The following CHGB variants were observed in gnomAD, a reference collection of about 807,000 sequenced individuals.
CHGB encodes the protein chromogranin B.
Under a neutral mutation model 69.9 loss-of-function variants are expected in CHGB, and 46 were observed. That is an observed-to-expected ratio of 0.66 (90% CI 0.52 to 0.84). The LOEUF (loss-of-function observed/expected upper bound fraction) is 0.84, where lower values mean the gene tolerates loss of function less well. CHGB is among the 40% of genes least tolerant of loss of function. The pLI is 0.00. For missense variants in CHGB, 796 were observed against 822.2 expected (o/e 0.97, Z 0.39); for synonymous variants, 312 against 298.2 (o/e 1.05, Z -0.48).
At chr20:5,913,628 C>CTTTTCTTTT (rs1289315671) in intron 1 of CHGB, among the ~76,000 whole-genome samples, 1 of 90,474 alleles carries the variant, frequency 1.1e-5, no homozygotes, top group African/African-American at 3.7e-5. Flanking sequence ...CTTTTCTTTT[C>CTTTTCTTTT]TTTTTTTTTT....
chr20:5,914,701 G>A (rs1473624137), intron 1 of CHGB: 1 of 152,158 alleles, frequency 6.6e-6, no homozygotes, highest in Non-Finnish European at 1.5e-5. Flanking sequence ...GCCATTTGGA[G>A]GATGAAAGAA....
In CHGB at chr20:5,916,848, T is replaced by G; in HGVS notation, c.119T>G (p.Val40Gly). Reference protein sequence around the residue: ...EGMVTRCIIEVLSNALSKSSA... With the variant: ...EGMVTRCIIEGLSNALSKSSA... ...CAGGTGACTCGCTGCATCATTGAGG[T>G]CCTCTCAAATGCCTTGTCGAAGTCC... Residue 40 changes from valine to glycine, a missense_variant, in exon 3 of 5, where the codon GTC becomes GGC. Around this residue, in one of 3 missense-constraint regions of CHGB, gnomAD observed 518 missense variants for 506.3 expected, o/e 1.02. Transcript: ENST00000378961. 6.2e-7 allele frequency: 1 copy of G among 1,614,122 alleles called. No individual in the cohort carries two copies. Among genetic ancestry groups the G allele is most frequent in the South Asian group, 1.1e-5 (1 of 91,072 alleles).
At chr20:5,918,379 TGAGGCTCC>T (rs2088491474) in intron 3 of CHGB, among the ~76,000 whole-genome samples, 1 of 151,168 alleles carries the variant, frequency 6.6e-6, no homozygotes, top group Non-Finnish European at 1.5e-5. Context: ...GGTGGCAGAG[TGAGGCTCC>T]ATCAAAAACA....
chr20:5,922,621 G>A lies in CHGB; in HGVS notation c.477G>A (p.Lys159=). The A allele has an allele frequency of 1.2e-6, 2 of 1,614,070 alleles. No individual in the cohort carries two copies. Among genetic ancestry groups the A allele is most frequent in the East Asian group, 2.2e-5 (1 of 44,882 alleles). ...AAGTGAAGACACGCCATTCTGAGAA[G>A]AGCCAGAGAGAGGATGAGGAGGAGG... ...SEEVKTRHSE[K]SQREDEEEEE... is the part of the protein sequence containing the mutation. Residue 159 remains lysine (K), a synonymous_variant, in exon 4 of 5, where the codon AAG becomes AAA. Coordinates refer to ENST00000378961, the MANE Select transcript of CHGB (RefSeq NM_001819.3).
At chr20:5,921,289 A>G (rs2088512332) in intron 3 of CHGB, among the ~76,000 whole-genome samples, 1 of 152,180 alleles carries the variant, frequency 6.6e-6, no homozygotes, top group South Asian at 2.1e-4. Flanking sequence ...CATGTCCCAG[A>G]TCGGACCAGC....
At chr20:5,918,135 G>A (rs7353014) in intron 3 of CHGB, among the ~76,000 whole-genome samples, 4 of 111,334 alleles carry the variant, frequency 3.6e-5, no homozygotes, top group Admixed American at 1.2e-4. Context: ...GGCAACAAGA[G>A]TAAGACTCCA....
In CHGB at chr20:5,922,393, A is replaced by C. The variant is rs957159617; in HGVS notation, c.249A>C (p.Val83=). 8 of 1,587,092 alleles carry C rather than the reference A, an allele frequency of 5.0e-6. No homozygotes were observed. The highest frequency in any genetic ancestry group is 6.9e-6 in the Non-Finnish European group (8 of 1,162,750). ...TTENENTKFE[V]RLLRDPADAS... ...AAAATGAAAACACAAAGTTTGAAGT[A>C]AGATTGTTAAGAGACCCAGCTGATG... The change falls in exon 4 of 5, where the codon GTA becomes GTC. Residue 83 remains valine, a synonymous_variant. Coordinates refer to ENST00000378961, the MANE Select transcript of CHGB (RefSeq NM_001819.3).
intron 4 of CHGB, among the ~76,000 whole-genome samples, chr20:5,924,510 C>T (rs1184287966): frequency 6.6e-6 from 1 of 152,162 alleles, no homozygotes; most frequent in East Asian, 1.9e-4. Flanking sequence ...TTGTTCATCA[C>T]TCTCTCCCTG....
intron 3 of CHGB, among the ~76,000 whole-genome samples, chr20:5,920,150 T>C (rs1246325283): frequency 6.6e-6 from 1 of 152,106 alleles, no homozygotes; most frequent in African/African-American, 2.4e-5. Context: ...CTAAATTTAG[T>C]AGGAAGAGCT....
chr20:5,918,733 G>T (rs1013175673), intron 3 of CHGB, among the ~76,000 whole-genome samples: 1 of 139,164 alleles, frequency 7.2e-6, no homozygotes, highest in Admixed American at 8.0e-5. Context: ...AATCGCTTGA[G>T]CCCAGGAGGT....
intron 1 of CHGB, among the ~76,000 whole-genome samples, chr20:5,915,220 G>A (rs1255420939): frequency 6.6e-6 from 1 of 152,112 alleles, no homozygotes; most frequent in Admixed American, 6.6e-5. Flanking sequence ...AAGCAGCTTT[G>A]AGACAGAAAA....
Position 5,919,362 on chromosome 20 carries a change from AT to A in CHGB, c.190+2444del, listed in dbSNP as rs2088500315. ...GATGTTATACCCAGAGAGTGACAGA[AT>A]GCTGAGATGGCGAAGGTTTAAGAGC... On this transcript the variant is annotated intron_variant, in intron 3 of 4. Transcript: ENST00000378961. Among the ~76,000 whole-genome samples the A allele has an allele frequency of 2.6e-5, 4 of 152,344 alleles. No homozygotes were observed. In the South Asian group the frequency reaches 8.3e-4, roughly 32 times the overall value.
chr20:5,919,087 A>G (rs1164747601), intron 3 of CHGB, among the ~76,000 whole-genome samples: 1 of 152,142 alleles, frequency 6.6e-6, no homozygotes, highest in African/African-American at 2.4e-5. Flanking sequence ...CCATCTTGGT[A>G]TCTCCCTTTC....
chr20:5,919,033 GT>G (rs2088497707), intron 3 of CHGB, among the ~76,000 whole-genome samples: 1 of 152,062 alleles, frequency 6.6e-6, no homozygotes, highest in Non-Finnish European at 1.5e-5. Context: ...TAAGAGCAGA[GT>G]GGGTCACTAG....
At chr20:5,913,717 T>C (rs2088460010) in intron 1 of CHGB, among the ~76,000 whole-genome samples, 1 of 142,660 alleles carries the variant, frequency 7.0e-6, no homozygotes, top group Non-Finnish European at 1.5e-5. Context: ...GCAACCTCCA[T>C]CTCCCGGGCT....
intron 3 of CHGB, among the ~76,000 whole-genome samples, chr20:5,919,905 A>G (rs2088503445): frequency 6.6e-6 from 1 of 152,198 alleles, no homozygotes; most frequent in South Asian, 2.1e-4. Context: ...GGGGAGTAGG[A>G]CAGAATCATT....
Position 5,916,460 on chromosome 20 carries a change from A to T in CHGB, c.96+88A>T. ...CTATTATACCAAACCAAACACACGC[A>T]TGACATAATCTTACAAAGCCAGGTT... On this transcript the variant is annotated intron_variant, in intron 2 of 4. Coordinates refer to ENST00000378961, the MANE Select transcript of CHGB (RefSeq NM_001819.3). 5.2e-6 allele frequency: 6 copies of T among 1,146,158 alleles called. No individual in the cohort carries two copies. In the African/African-American group the frequency reaches 9.2e-5, roughly 18 times the overall value. 71.0% of individuals were successfully genotyped at this position (1,146,158 alleles called of 1,614,324 possible).
At chr20:5,915,867 C>T (rs1410777974) in intron 1 of CHGB, 1 of 152,914 alleles carries the variant, frequency 6.5e-6, no homozygotes, top group African/African-American at 2.4e-5. Flanking sequence ...GCGCGTGCCA[C>T]CACGCCTGGC....
chr20:5,923,334 T>TGGCA lies in CHGB; in HGVS notation c.1191_1194dup (p.His399GlyfsTer6), dbSNP rs1319601227. On this transcript the variant is annotated frameshift_variant, in exon 4 of 5. Coordinates refer to ENST00000378961, the MANE Select transcript of CHGB (RefSeq NM_001819.3). LOFTEE classifies it high-confidence loss of function. The stretch of plus-strand genomic sequence containing the variant: ...TACCCCAGCTTAGAGCTTGATAAGA[T>TGGCA]GGCACATGGATATGGTGAAGAAAGT... 6.2e-7 allele frequency: 1 copy of TGGCA among 1,613,530 alleles called. No homozygotes were observed. The highest frequency in any genetic ancestry group is 1.3e-5 in the African/African-American group (1 of 74,852).
Sources: gnomAD v4.1 joint callset for allele counts (sites outside exome capture counted in the v4.1 genomes callset) on GRCh38, gnomAD v4.1.1 for gene constraint, gnomAD v4.1.1 regional missense constraint, MANE v1.5 for transcripts, NCBI Gene and HGNC (gene_info 2026-07-23, HGNC 2026-07-21) for gene names.